The following TMEM131 variants were observed in gnomAD, a reference collection of about 807,000 sequenced individuals.
The protein encoded by TMEM131 is transmembrane protein 131.
Under a neutral mutation model 211.6 loss-of-function variants are expected in TMEM131, and 66 were observed. The ratio of observed to expected loss-of-function variants is 0.31; its 90% CI spans 0.26 to 0.38. The LOEUF (loss-of-function observed/expected upper bound fraction) is 0.38. Among genes scored for constraint, TMEM131 ranks in the 10% least tolerant of loss-of-function variants. The pLI is 1.00. For synonymous variants in TMEM131, 844 were observed against 841.3 expected, an observed-to-expected ratio of 1.00 and a Z score of -0.06; for missense variants, 2,036 against 2,299.3, an observed-to-expected ratio of 0.89 and a Z score of 2.34.
intron 1 of TMEM131, among the ~76,000 whole-genome samples, chr2:97,947,708 A>T (rs915851004): frequency 1.3e-5 from 2 of 152,160 alleles, no homozygotes; most frequent in Non-Finnish European, 1.5e-5. Flanking sequence ...TAAAAGTTAT[A>T]CAGAAAAGCA....
Position 97,805,964 on chromosome 2 carries a change from A to G in TMEM131, c.2056-261T>C, listed in dbSNP as rs1450556465. ...CTTGTGACAACTGATTGACGTTAAC[A>G]TTCACACTTTCATGTTAAGATACTG... is the stretch of plus-strand genomic sequence containing the variant. On this transcript the variant is annotated intron_variant, in intron 19 of 40. Coordinates refer to ENST00000186436, the MANE Select transcript of TMEM131 (RefSeq NM_015348.2). Among the ~76,000 whole-genome samples, 3 of 152,356 alleles carry G rather than the reference A, an allele frequency of 2.0e-5. No homozygotes were observed. In the East Asian group the frequency reaches 5.8e-4, roughly 29 times the overall value.
intron 33 of TMEM131, among the ~76,000 whole-genome samples, chr2:97,770,085 A>G (rs527499725): frequency 6.6e-6 from 1 of 152,316 alleles, no homozygotes; most frequent in Admixed American, 6.5e-5. Flanking sequence ...ATGTGGGGTT[A>G]TATATTAACA....
At chr2:97,868,640 T>C (rs543611328) in intron 4 of TMEM131, among the ~76,000 whole-genome samples, 2 of 152,256 alleles carry the variant, frequency 1.3e-5, no homozygotes, top group South Asian at 4.1e-4. Flanking sequence ...GTTCTGTAGA[T>C]TGCACATTAT....
intron 1 of TMEM131, among the ~76,000 whole-genome samples, chr2:97,931,255 T>C (rs1677206029): frequency 6.6e-6 from 1 of 151,824 alleles, no homozygotes; most frequent in African/African-American, 2.4e-5. Context: ...TAAGATCTAC[T>C]TTAAGCTCCT....
At chr2:97,869,903 A>G (rs1303410666) in intron 4 of TMEM131, among the ~76,000 whole-genome samples, 1 of 152,226 alleles carries the variant, frequency 6.6e-6, no homozygotes, top group Non-Finnish European at 1.5e-5. Context: ...TCGAGGTCTC[A>G]CAAGGAAATG....
At chr2:97,908,356 T>C (rs764523612) in intron 3 of TMEM131, among the ~76,000 whole-genome samples, 41 of 152,170 alleles carry the variant, frequency 2.7e-4, no homozygotes, top group Middle Eastern at 6.8e-3. Flanking sequence ...AAAGCAGGGA[T>C]AGCCACAAGA....
At chr2:97,970,743 G>C (rs1214060955) in intron 1 of TMEM131, among the ~76,000 whole-genome samples, 1 of 152,138 alleles carries the variant, frequency 6.6e-6, no homozygotes, top group Non-Finnish European at 1.5e-5. Context: ...ACAAAGTGCT[G>C]AGTGCTATGG....
At chr2:97,792,197 T>C (rs1680527063) in intron 31 of TMEM131, among the ~76,000 whole-genome samples, 189 bp downstream of exon 31, 1 of 152,212 alleles carries the variant, frequency 6.6e-6, no homozygotes, top group African/African-American at 2.4e-5. Context: ...AATACAAATA[T>C]ATCTTTTATG....
At chr2:97,943,450 A>G (rs549686521) in intron 1 of TMEM131, among the ~76,000 whole-genome samples, 2 of 152,346 alleles carry the variant, frequency 1.3e-5, no homozygotes, top group South Asian at 4.1e-4. Flanking sequence ...TATACAAAGG[A>G]TTATACATCT....
At chr2:97,921,629 A>AT (rs1164866129) in intron 2 of TMEM131, among the ~76,000 whole-genome samples, 5 of 152,234 alleles carry the variant, frequency 3.3e-5, no homozygotes. Context: ...AATGGAACTG[A>AT]TTTTTGTTAC....
At chr2:97,859,929 C>G (rs1263661561) in intron 4 of TMEM131, among the ~76,000 whole-genome samples, 1 of 152,194 alleles carries the variant, frequency 6.6e-6, no homozygotes, top group Non-Finnish European at 1.5e-5. Flanking sequence ...CAAAGGCACA[C>G]TTGGAACCTG....
intron 4 of TMEM131, among the ~76,000 whole-genome samples, chr2:97,880,088 ACATT>A (rs1231310808): frequency 7.3e-5 from 11 of 150,570 alleles, no homozygotes; most frequent in South Asian, 2.1e-4. Flanking sequence ...TGTTAAAAGT[ACATT>A]CATTATTTGT....
At chr2:97,829,282 A>C (rs963570447) in intron 11 of TMEM131, among the ~76,000 whole-genome samples, 1 of 152,250 alleles carries the variant, frequency 6.6e-6, no homozygotes, top group Admixed American at 6.5e-5. Context: ...GCCTAGCTAA[A>C]GGATTGTAAA....
intron 12 of TMEM131, among the ~76,000 whole-genome samples, chr2:97,817,642 C>T (rs1242901262): frequency 6.6e-6 from 1 of 152,130 alleles, no homozygotes; most frequent in African/African-American, 2.4e-5. Flanking sequence ...CCTTGAGAGT[C>T]CTCACTGAGC....
intron 29 of TMEM131, among the ~76,000 whole-genome samples, chr2:97,794,051 C>T (rs1680641044): frequency 7.1e-6 from 1 of 140,640 alleles, no homozygotes; most frequent in South Asian, 2.3e-4. Flanking sequence ...AAAGTTTGCA[C>T]ATCAGTTTTT....
At chr2:97,995,239 T>G (rs1680441259) in intron 1 of TMEM131, among the ~76,000 whole-genome samples, 1 of 152,102 alleles carries the variant, frequency 6.6e-6, no homozygotes. Context: ...GTACGAGAAG[T>G]CAGGAAGTTT....
At chr2:97,970,916 C>T (rs2104601274) in intron 1 of TMEM131, among the ~76,000 whole-genome samples, 1 of 152,318 alleles carries the variant, frequency 6.6e-6, no homozygotes, top group Middle Eastern at 3.4e-3. Flanking sequence ...TGACACTCAA[C>T]CATTCTTGGA....
chr2:97,775,204 C>T (rs1423035037), intron 32 of TMEM131, among the ~76,000 whole-genome samples: 3 of 152,136 alleles, frequency 2.0e-5, no homozygotes, highest in Admixed American at 6.5e-5. Context: ...CCACTGGACC[C>T]GACACTTTGC....
chr2:97,877,548 A>C (rs925692157), intron 4 of TMEM131, among the ~76,000 whole-genome samples: 1 of 152,108 alleles, frequency 6.6e-6, no homozygotes, highest in African/African-American at 2.4e-5. Flanking sequence ...CAGAAACAAC[A>C]CCACACATCT....
Sources: allele counts gnomAD v4.1 joint callset (sites outside exome capture counted in the v4.1 genomes callset), GRCh38; gene constraint gnomAD v4.1.1; transcripts MANE v1.5; gene names NCBI Gene and HGNC (gene_info 2026-07-23, HGNC 2026-07-21).